MDGA2: variants seen among roughly 807,000 people sequenced by gnomAD.
MDGA2 encodes the protein MAM domain-containing glycosylphosphatidylinositol anchor protein 2.
In MDGA2, 40 loss-of-function variants were observed where a neutral mutation model predicts 117.8. The observed-to-expected ratio is 0.34, with a 90% CI of 0.26 to 0.44. MDGA2 has a LOEUF of 0.44. Ranked by LOEUF, MDGA2 falls within the 20% of genes least tolerant of loss-of-function variation. The pLI is 1.00. For synonymous variants in MDGA2, 452 were observed against 439.0 expected (o/e 1.03, Z -0.37); for missense variants, 1,123 against 1,250.6 (o/e 0.90, Z 1.54).
chr14:47,112,295 T>C (rs930050047), intron 5 of MDGA2, among the ~76,000 whole-genome samples: 23 of 152,218 alleles, frequency 1.5e-4, no homozygotes, highest in African/African-American at 5.3e-4. Context: ...GCAGCTTTGT[T>C]ACATAGGTAA....
chr14:47,427,174 C>T (rs1328834934), intron 1 of MDGA2, among the ~76,000 whole-genome samples: 1 of 152,098 alleles, frequency 6.6e-6, no homozygotes, highest in Admixed American at 6.6e-5. Context: ...GCATACAAGG[C>T]CATTACTTTT....
At chr14:47,321,164 G>C (rs1319653494) in intron 1 of MDGA2, among the ~76,000 whole-genome samples, 1 of 152,120 alleles carries the variant, frequency 6.6e-6, no homozygotes, top group Non-Finnish European at 1.5e-5. Context: ...CTTGAGAGTG[G>C]AAACACACAT....
At chr14:47,311,672 C>T (rs1308322512) in intron 1 of MDGA2, among the ~76,000 whole-genome samples, 1 of 151,714 alleles carries the variant, frequency 6.6e-6, no homozygotes, top group Admixed American at 6.6e-5. Context: ...ATATCAAGCA[C>T]CTGTGTAATT....
intron 2 of MDGA2, 126 bp downstream of exon 2, chr14:47,301,285 C>A (rs558823810): frequency 1.8e-4 from 162 of 889,460 alleles, no homozygotes; most frequent in Admixed American, 4.0e-4. Flanking sequence ...ACACACACAC[C>A]CACACCCACC....
chr14:46,959,964 C>T (rs571592843), intron 8 of MDGA2, among the ~76,000 whole-genome samples: 38 of 152,144 alleles, frequency 2.5e-4, no homozygotes, highest in African/African-American at 8.9e-4. Context: ...TGGCTCACAC[C>T]TGTAATCTCA....
At chr14:47,107,011 G>A in intron 5 of MDGA2, among the ~76,000 whole-genome samples, 1 of 114,906 alleles carries the variant, frequency 8.7e-6, no homozygotes, top group African/African-American at 3.8e-5. Context: ...ATATCTCATT[G>A]CCACCCTTCT....
intron 3 of MDGA2, 86 bp from the exon 4 acceptor site, chr14:47,144,360 G>A (rs1594666140): frequency 1.1e-6 from 1 of 904,668 alleles, no homozygotes; most frequent in East Asian, 2.8e-5. Flanking sequence ...AACCAAAAAT[G>A]CATATTCCTC....
intron 14 of MDGA2, among the ~76,000 whole-genome samples, chr14:46,862,405 T>C (rs1230674592): frequency 6.7e-6 from 1 of 148,648 alleles, no homozygotes; most frequent in East Asian, 1.9e-4. Context: ...ATTTTAATAT[T>C]ATTTAATATA....
chr14:47,267,534 G>A (rs990398425), intron 2 of MDGA2, among the ~76,000 whole-genome samples: 6 of 151,586 alleles, frequency 4.0e-5, no homozygotes, highest in Admixed American at 2.0e-4. Flanking sequence ...CTCAGGTCAC[G>A]AATGGCAAAT....
At chr14:47,164,028 C>A (rs547914164) in intron 3 of MDGA2, among the ~76,000 whole-genome samples, 1 of 152,114 alleles carries the variant, frequency 6.6e-6, no homozygotes, top group South Asian at 2.1e-4. Context: ...ATTCTATGAT[C>A]GTAAAGCAAT....
At chr14:47,466,313 G>A (rs1010294969) in intron 1 of MDGA2, among the ~76,000 whole-genome samples, 11 of 151,682 alleles carry the variant, frequency 7.3e-5, no homozygotes, top group Non-Finnish European at 1.0e-4. Context: ...ACCCCCACAC[G>A]GAATATAAAA....
chr14:47,561,789 A>T (rs1895822135), intron 1 of MDGA2, among the ~76,000 whole-genome samples: 1 of 152,168 alleles, frequency 6.6e-6, no homozygotes, highest in Non-Finnish European at 1.5e-5. Context: ...GAGGGAGGAC[A>T]TCCTTGTCTT....
chr14:47,583,011 A>G (rs550441650), intron 1 of MDGA2, among the ~76,000 whole-genome samples: 1 of 152,014 alleles, frequency 6.6e-6, no homozygotes, highest in South Asian at 2.1e-4. Context: ...AAAGCTTAAG[A>G]TATTTCTTCT....
chr14:47,223,414 T>A (rs1188453127), intron 2 of MDGA2, among the ~76,000 whole-genome samples: 2 of 152,206 alleles, frequency 1.3e-5, no homozygotes, highest in Non-Finnish European at 2.9e-5. Flanking sequence ...AATGTTGGTT[T>A]GGGCTGTATC....
chr14:47,351,927 AC>A lies in MDGA2; in HGVS notation c.281-50378del, dbSNP rs1483895564. On this transcript the variant is annotated intron_variant, in intron 1 of 16. Transcript: ENST00000399232. ...AACACACACACACACACACACACAC[AC>A]ACACACACACAAACATATATATATA... Among the ~76,000 whole-genome samples, 31 of 151,676 alleles carry A rather than the reference AC, an allele frequency of 2.0e-4. No individual in the cohort carries two copies. In the South Asian group the frequency reaches 5.0e-3, roughly 25 times the overall value.
In MDGA2 at chr14:47,350,446, G is replaced by A. The variant is rs750523437; in HGVS notation, c.281-48896C>T. On this transcript the variant is annotated intron_variant, in intron 1 of 16. Transcript: ENST00000399232. ...TCTAAGTGGGAGCCAAAACATTGGGGGCATATCTGAATAATACCGTTACCT... is the reference window on the plus strand; with the variant it reads ...TCTAAGTGGGAGCCAAAACATTGGGAGCATATCTGAATAATACCGTTACCT... Among the ~76,000 whole-genome samples, 8 of 152,004 alleles carry A rather than the reference G, an allele frequency of 5.3e-5. 1 individual carries two copies. The highest frequency in any genetic ancestry group is 2.0e-4 in the Admixed American group (3 of 15,262).
chr14:47,661,256 A>T (rs1430316846), intron 1 of MDGA2, among the ~76,000 whole-genome samples: 1 of 152,162 alleles, frequency 6.6e-6, no homozygotes, highest in African/African-American at 2.4e-5. Context: ...AGCCACCAGT[A>T]ACTATATGGC....
intron 8 of MDGA2, among the ~76,000 whole-genome samples, chr14:46,997,912 T>C (rs1407924519): frequency 6.6e-6 from 1 of 152,154 alleles, no homozygotes; most frequent in East Asian, 1.9e-4. Context: ...GTGTGACTGA[T>C]TTCAAAATCA....
At chr14:47,427,400 C>T (rs1471858583) in intron 1 of MDGA2, among the ~76,000 whole-genome samples, 4 of 152,102 alleles carry the variant, frequency 2.6e-5, no homozygotes, top group East Asian at 3.9e-4. Context: ...TCAAATGCCA[C>T]GGTTTGCAGA....
Sources: allele counts gnomAD v4.1 joint callset (sites outside exome capture counted in the v4.1 genomes callset), GRCh38; gene constraint gnomAD v4.1.1; transcripts MANE v1.5; gene names NCBI Gene and HGNC (gene_info 2026-07-23, HGNC 2026-07-21).